Variants in ETFBKMT observed in about 807,000 individuals in gnomAD.
ETFBKMT encodes electron transfer flavoprotein beta subunit lysine methyltransferase.
In ETFBKMT, 13 loss-of-function variants were observed where a neutral mutation model predicts 18.3. The observed-to-expected ratio is 0.71, with a 90% confidence interval of 0.46 to 1.13. ETFBKMT has a LOEUF of 1.13. Ranked by LOEUF, ETFBKMT falls within the 50% of genes most tolerant of loss-of-function variation. ETFBKMT has a pLI of 0.00. For missense variants in ETFBKMT, 293 were observed against 306.2 expected (o/e 0.96, Z 0.32); for synonymous variants, 84 against 107.9 (o/e 0.78, Z 1.37).
chr12:31,669,992 C>G lies in ETFBKMT; in HGVS notation c.*2002C>G, dbSNP rs1951247070. The G allele has an allele frequency of 6.6e-6, 1 of 152,202 alleles. No homozygotes were observed. Among genetic ancestry groups the G allele is most frequent in the Admixed American group, 6.5e-5 (1 of 15,268 alleles). The allele number at this position is 152,202 out of a possible 1,614,324, so 9.4% of individuals were successfully genotyped here. ...ACACCACCAAACCCAGCTGGGATTACAGGCATGCACCACCATGCCCAGCTA... is the reference window on the plus strand; with the variant it reads ...ACACCACCAAACCCAGCTGGGATTAGAGGCATGCACCACCATGCCCAGCTA... On this transcript the variant is annotated 3_prime_UTR_variant, in exon 4 of 4. Transcript: ENST00000357721.
chr12:31,659,424 G>GA (rs1951091996), upstream of ETFBKMT: 1 of 152,306 alleles, frequency 6.6e-6, no homozygotes, highest in Admixed American at 6.5e-5. Flanking sequence ...GCCTCTGGAG[G>GA]AAAATGACGC....
At position 31,671,119 on chromosome 12, in the gene ETFBKMT, A is replaced by C. The variant is rs530020665; in HGVS notation, c.*3129A>C. The C allele has an allele frequency of 6.6e-6, 1 of 152,354 alleles. No homozygotes were observed. Among genetic ancestry groups the C allele is most frequent in the East Asian group, 1.9e-4 (1 of 5,194 alleles). The allele number at this position is 152,354 out of a possible 1,614,324, so 9.4% of individuals were successfully genotyped here. ...TTTAGATGTCGAAACTAGTTTCTGC[A>C]AAAAGGGGAAAATGTGATTGACTTG... On this transcript the variant is annotated 3_prime_UTR_variant, in exon 4 of 4. Transcript: ENST00000357721.
chr12:31,667,286 C>T (rs546643662), intron 3 of ETFBKMT, among the ~76,000 whole-genome samples: 24 of 152,334 alleles, frequency 1.6e-4, no homozygotes, highest in African/African-American at 4.1e-4. Flanking sequence ...TGAGCCACTG[C>T]GCCCAGCCAA....
chr12:31,656,493 G>A (rs1196441564), upstream of ETFBKMT, among the ~76,000 whole-genome samples: 1 of 152,170 alleles, frequency 6.6e-6, no homozygotes, highest in Non-Finnish European at 1.5e-5. Flanking sequence ...ACCATTGAAG[G>A]TCTGGGGAGC....
In ETFBKMT at chr12:31,672,290, TC is replaced by T; in HGVS notation, c.*4301del. 6.4e-7 allele frequency: 1 copy of T among 1,556,956 alleles called. No homozygotes were observed. The highest frequency in any genetic ancestry group is 8.7e-7 in the Non-Finnish European group (1 of 1,146,044). ...TGATAAGCTTTCCTAGCATTGATCA[TC>T]TTCAAAAAAGCATCAATAAACAGTC... On this transcript the variant is annotated 3_prime_UTR_variant, in exon 4 of 4. Transcript: ENST00000357721.
chr12:31,663,770 A>C (rs1168006952), intron 2 of ETFBKMT, among the ~76,000 whole-genome samples: 1 of 152,066 alleles, frequency 6.6e-6, no homozygotes, highest in East Asian at 1.9e-4. Flanking sequence ...CACTTGCTTA[A>C]CCTTACTTTG....
chr12:31,672,567 T>C lies in ETFBKMT; in HGVS notation c.*4577T>C. On this transcript the variant is annotated 3_prime_UTR_variant, in exon 4 of 4. Transcript: ENST00000357721. ...TGGTAGCCCTCACTATTATTAGGTG[T>C]AGTGCACCTATCATGGTATTACTTG... The C allele has an allele frequency of 2.0e-6, 1 of 508,730 alleles. No individual in the cohort carries two copies. The highest frequency in any genetic ancestry group is 1.9e-5 in the African/African-American group (1 of 51,998). 31.5% of individuals were successfully genotyped at this position (508,730 alleles called of 1,614,324 possible). A position where few individuals can be genotyped will look rare whatever the true frequency, so the allele number is the denominator to read the frequency against.
At chr12:31,657,610 G>A (rs1269306068), upstream of ETFBKMT, among the ~76,000 whole-genome samples, 2 of 151,988 alleles carry the variant, frequency 1.3e-5, no homozygotes, top group Non-Finnish European at 2.9e-5. Flanking sequence ...TGACCAACAT[G>A]GTGAAACCCC....
intron 1 of ETFBKMT, among the ~76,000 whole-genome samples, chr12:31,648,303 AT>A (rs985796859): frequency 6.6e-6 from 1 of 151,518 alleles, no homozygotes; most frequent in African/African-American, 2.4e-5. Context: ...ATGATGTAGT[AT>A]TTGCATAATT....
Position 31,672,472 on chromosome 12 carries a change from G to C in ETFBKMT, c.*4482G>C. 1.1e-6 allele frequency: 1 copy of C among 874,180 alleles called. No individual in the cohort carries two copies. Among genetic ancestry groups the C allele is most frequent in the Non-Finnish European group, 1.8e-6 (1 of 541,384 alleles). The allele number at this position is 874,180 out of a possible 1,614,324, so 54.2% of individuals were successfully genotyped here. A position where few individuals can be genotyped will look rare whatever the true frequency, so the allele number is the denominator to read the frequency against. ...TGGAGGTGATGTTAATTATTATACA[G>C]TTATTTAAAGGATTAAAGGAGGTGA... On this transcript the variant is annotated 3_prime_UTR_variant, in exon 4 of 4. Coordinates refer to ENST00000357721, the MANE Select transcript of ETFBKMT (RefSeq NM_001135863.2).
upstream of ETFBKMT, among the ~76,000 whole-genome samples, chr12:31,657,406 T>G (rs1309460602): frequency 6.6e-6 from 1 of 152,158 alleles, no homozygotes; most frequent in East Asian, 1.9e-4. Flanking sequence ...TATATCCCTG[T>G]TTTTCATGCT....
At chr12:31,661,478 C>T (rs921208478) in intron 1 of ETFBKMT, among the ~76,000 whole-genome samples, 3 of 146,000 alleles carry the variant, frequency 2.1e-5, no homozygotes, top group Non-Finnish European at 3.0e-5. Context: ...TATTTTATTT[C>T]TTTTTTTTTT....
Position 31,672,208 on chromosome 12 carries a change from G to A in ETFBKMT, c.*4218G>A, listed in dbSNP as rs1592141891. The A allele has an allele frequency of 1.3e-6, 1 of 784,444 alleles. No individual in the cohort carries two copies. The highest frequency in any genetic ancestry group is 1.6e-5 in the South Asian group (1 of 61,532). The allele number at this position is 784,444 out of a possible 1,614,324, so 48.6% of individuals were successfully genotyped here. A position where few individuals can be genotyped will look rare whatever the true frequency, so the allele number is the denominator to read the frequency against. The stretch of plus-strand genomic sequence containing the variant: ...TAAGACAATAAAATAATTAAAAATA[G>A]TGTTAACATTAAGTAGAATGCAAAT... On this transcript the variant is annotated 3_prime_UTR_variant, in exon 4 of 4. Coordinates refer to ENST00000357721, the MANE Select transcript of ETFBKMT (RefSeq NM_001135863.2).
At chr12:31,648,706 G>C (rs554101902) in intron 1 of ETFBKMT, among the ~76,000 whole-genome samples, 44 of 150,318 alleles carry the variant, frequency 2.9e-4, no homozygotes, top group African/African-American at 9.5e-4. Flanking sequence ...GGGCTACAGG[G>C]GCCCACCACC....
chr12:31,667,500 C>A, intron 3 of ETFBKMT, 147 bp from the exon 4 acceptor site: 1 of 635,880 alleles, frequency 1.6e-6, no homozygotes, highest in Admixed American at 3.0e-5. Flanking sequence ...ATTGGGATAA[C>A]CTTTATACTT....
Position 31,672,549 on chromosome 12 carries a change from C to A in ETFBKMT, c.*4559C>A. 3.6e-6 allele frequency: 2 copies of A among 563,014 alleles called. No individual in the cohort carries two copies. The allele number at this position is 563,014 out of a possible 1,614,324, so 34.9% of individuals were successfully genotyped here. A position where few individuals can be genotyped will look rare whatever the true frequency, so the allele number is the denominator to read the frequency against. ...TCACTAATAATTAATTAATGGTAGC[C>A]CTCACTATTATTAGGTGTAGTGCAC... On this transcript the variant is annotated 3_prime_UTR_variant, in exon 4 of 4. Coordinates refer to ENST00000357721, the MANE Select transcript of ETFBKMT (RefSeq NM_001135863.2).
At chr12:31,660,118 A>G (rs1951102671) in intron 1 of ETFBKMT, 1 of 144,818 alleles carries the variant, frequency 6.9e-6, no homozygotes, top group Non-Finnish European at 1.5e-5. Flanking sequence ...GTGAGCCGAG[A>G]TCACGCCACT....
intron 1 of ETFBKMT, among the ~76,000 whole-genome samples, chr12:31,652,998 C>G (rs1252490322): frequency 1.3e-5 from 2 of 152,218 alleles, no homozygotes; most frequent in East Asian, 3.8e-4. Flanking sequence ...TGCCTGAGCT[C>G]AGGAGTTCGG....
chr12:31,659,252 A>G (rs918311524), upstream of ETFBKMT: 1 of 152,248 alleles, frequency 6.6e-6, no homozygotes, highest in African/African-American at 2.4e-5. Flanking sequence ...AGCGTGGCTC[A>G]GTTTTGGTAG....
Sources: allele counts gnomAD v4.1 joint callset (sites outside exome capture counted in the v4.1 genomes callset), GRCh38; gene constraint gnomAD v4.1.1; transcripts MANE v1.5; gene names NCBI Gene and HGNC (gene_info 2026-07-23, HGNC 2026-07-21).